CCNT2: variants seen among roughly 807,000 people sequenced by gnomAD.
The protein encoded by CCNT2 is cyclin T2, also known as cyclin-T2.
A neutral mutation model predicts 70.0 loss-of-function variants in CCNT2; 18 were observed. The ratio of observed to expected loss-of-function variants is 0.26; its 90% confidence interval spans 0.18 to 0.38. The LOEUF (loss-of-function observed/expected upper bound fraction) is 0.38, where lower values mean the gene tolerates loss of function less well. Among genes scored for constraint, CCNT2 ranks in the 10% least tolerant of loss-of-function variants. The pLI, the probability that CCNT2 is intolerant of heterozygous loss-of-function variation, is 1.00. For synonymous variants in CCNT2, 334 were observed against 313.3 expected, an observed-to-expected ratio of 1.07 and a Z score of -0.70; for missense variants, 734 against 890.2, an observed-to-expected ratio of 0.82 and a Z score of 2.23.
intron 7 of CCNT2, among the ~76,000 whole-genome samples, chr2:134,948,600 A>G (rs987169489): frequency 1.3e-5 from 2 of 152,028 alleles, no homozygotes; most frequent in South Asian, 2.1e-4. Flanking sequence ...AATTTTGGGG[A>G]TGTTTTGATG....
chr2:134,934,549 A>G (rs1039117675), intron 2 of CCNT2, among the ~76,000 whole-genome samples: 3 of 152,230 alleles, frequency 2.0e-5, no homozygotes, highest in African/African-American at 7.2e-5. Flanking sequence ...CACCTTCCTT[A>G]ATCATCCTTG....
Position 134,954,435 on chromosome 2 carries a change from T to A in CCNT2, c.1980T>A (p.Ser660=), listed in dbSNP as rs2105094055. The A allele has an allele frequency of 6.2e-7, 1 of 1,614,142 alleles. No homozygotes were observed. Among genetic ancestry groups the A allele is most frequent in the East Asian group, 2.2e-5 (1 of 44,886 alleles). ...SVKQYISSHN[S]VFNHPLPPPP... ...AGCAGTATATATCCTCTCACAACTC[T>A]GTTTTTAACCATCCCTTACCCCCTC... is the stretch of plus-strand genomic sequence containing the variant. The change falls in exon 9 of 9, where the codon TCT becomes TCA. Residue 660 remains serine (S), a synonymous_variant. Transcript: ENST00000264157.
At chr2:134,929,739 T>C (rs1244286829) in intron 2 of CCNT2, among the ~76,000 whole-genome samples, 2 of 148,122 alleles carry the variant, frequency 1.4e-5, no homozygotes, top group Non-Finnish European at 3.0e-5. Flanking sequence ...AGCCTCCACC[T>C]CCTGGGTTCA....
At chr2:134,943,967 T>C in intron 5 of CCNT2, 1 of 959,350 alleles carries the variant, frequency 1.0e-6, no homozygotes. Context: ...TCATTCTAAA[T>C]TGAATTCATT....
At chr2:134,947,412 T>C (rs576215691) in intron 6 of CCNT2, among the ~76,000 whole-genome samples, 1 of 152,144 alleles carries the variant, frequency 6.6e-6, no homozygotes, top group Non-Finnish European at 1.5e-5. Flanking sequence ...AAATTTACAG[T>C]GTTATCTATA....
At position 134,944,576 on chromosome 2, in the gene CCNT2, A is replaced by G. The variant is rs994921735; in HGVS notation, c.494-1525A>G. 15 of 972,390 alleles carry G rather than the reference A, an allele frequency of 1.5e-5. No homozygotes were observed. In the African/African-American group the frequency reaches 1.8e-4, roughly 11 times the overall value. 60.2% of individuals were successfully genotyped at this position (972,390 alleles called of 1,614,324 possible). A position where few individuals can be genotyped will look rare whatever the true frequency, so the allele number is the denominator to read the frequency against. ...CATTTACAAAAACTACAAATTTGATATGTCATCCAAAACAAATATTTAGAC... is the reference window on the plus strand; with the variant it reads ...CATTTACAAAAACTACAAATTTGATGTGTCATCCAAAACAAATATTTAGAC... On this transcript the variant is annotated intron_variant, in intron 5 of 8. Transcript: ENST00000264157.
In CCNT2 at chr2:134,919,357, GT is replaced by G. The variant is rs539121021; in HGVS notation, c.158+348del. On this transcript the variant is annotated intron_variant, in intron 1 of 8. Coordinates refer to ENST00000264157, the MANE Select transcript of CCNT2 (RefSeq NM_058241.3). ...CTGGACTTGTCCCTGACCCCGAAGG[GT>G]TTGAGAGGTAGGAGGGTTAGCGATG... Among the ~76,000 whole-genome samples the G allele has an allele frequency of 5.9e-4, 90 of 152,330 alleles. 1 individual carries two copies. The highest frequency in any genetic ancestry group is 2.0e-3 in the African/African-American group (84 of 41,572).
At position 134,953,619 on chromosome 2, in the gene CCNT2, A is replaced by C. The variant is rs757351595; in HGVS notation, c.1164A>C (p.Ser388=). Residue 388 remains serine (S), a synonymous_variant, in exon 9 of 9, where the codon TCA becomes TCC. Coordinates refer to ENST00000264157, the MANE Select transcript of CCNT2 (RefSeq NM_058241.3). ...ACTTCCAGCAGGGACCTTCTATATC[A>C]CTGCATTCAGGATTACATCACAGAC... ...NINFQQGPSI[S]LHSGLHHRPD... is the part of the protein sequence containing the mutation. 1 of 1,613,846 alleles carries C rather than the reference A, an allele frequency of 6.2e-7. No homozygotes were observed. Among genetic ancestry groups the C allele is most frequent in the Non-Finnish European group, 8.5e-7 (1 of 1,179,800 alleles).
At chr2:134,940,404 CTA>C (rs1681490467) in intron 4 of CCNT2, among the ~76,000 whole-genome samples, 1 of 151,894 alleles carries the variant, frequency 6.6e-6, no homozygotes, top group South Asian at 2.1e-4. Flanking sequence ...AGATATTAGT[CTA>C]TTTTATCATT....
chr2:134,952,323 G>T (rs1473821584), intron 7 of CCNT2, among the ~76,000 whole-genome samples: 1 of 151,964 alleles, frequency 6.6e-6, no homozygotes, highest in East Asian at 1.9e-4. Flanking sequence ...GATCTTGTCT[G>T]TGACAAAAAT....
intron 5 of CCNT2, chr2:134,942,999 A>G: frequency 1.0e-6 from 1 of 985,384 alleles, no homozygotes; most frequent in Non-Finnish European, 1.2e-6. Context: ...GCATAGGTTC[A>G]GAAAATAATA....
At chr2:134,919,692 G>T in intron 1 of CCNT2, 118 bp from the exon 2 acceptor site, 1 of 720,448 alleles carries the variant, frequency 1.4e-6, no homozygotes, top group Non-Finnish European at 2.3e-6. Flanking sequence ...TTTATTTCCA[G>T]TTTGGGGTTT....
intron 7 of CCNT2, 127 bp downstream of exon 7, chr2:134,948,026 A>G (rs1172739999): frequency 2.1e-6 from 1 of 473,986 alleles, no homozygotes; most frequent in Non-Finnish European, 3.6e-6. Context: ...CAGCCTAAAG[A>G]AAAAAAAATA....
chr2:134,919,029 G>T lies in CCNT2; in HGVS notation c.158+17G>T. 6.3e-7 allele frequency: 1 copy of T among 1,584,564 alleles called. No individual in the cohort carries two copies. Among genetic ancestry groups the T allele is most frequent in the Non-Finnish European group, 8.6e-7 (1 of 1,163,600 alleles). On this transcript the variant is annotated intron_variant, in intron 1 of 8. Coordinates refer to ENST00000264157, the MANE Select transcript of CCNT2 (RefSeq NM_058241.3). Reference sequence around the variant, plus strand: ...TCTCAATGTGTATCCTTTTCTGTTCGCCGCCGCTCACGCCCTGTTTCCCTT... The same window carrying T: ...TCTCAATGTGTATCCTTTTCTGTTCTCCGCCGCTCACGCCCTGTTTCCCTT...
In CCNT2 at chr2:134,955,715, TTGTG is replaced by T. The variant is rs1243868673; in HGVS notation, c.*1072_*1075del. 6.6e-6 allele frequency: 1 copy of T among 152,640 alleles called. No individual in the cohort carries two copies. The highest frequency in any genetic ancestry group is 1.5e-5 in the Non-Finnish European group (1 of 68,024). 9.5% of individuals were successfully genotyped at this position (152,640 alleles called of 1,614,324 possible). Reference sequence around the variant, plus strand: ...AATATACTCCTTCCCTGAAGCGTGTTTGTGTGTGATGCCATATTTCTTTTTCAGG... The same window carrying T: ...AATATACTCCTTCCCTGAAGCGTGTTTGTGATGCCATATTTCTTTTTCAGG... On this transcript the variant is annotated 3_prime_UTR_variant, in exon 9 of 9. Coordinates refer to ENST00000264157, the MANE Select transcript of CCNT2 (RefSeq NM_058241.3).
At chr2:134,930,283 G>A (rs1475841953) in intron 2 of CCNT2, among the ~76,000 whole-genome samples, 2 of 152,144 alleles carry the variant, frequency 1.3e-5, no homozygotes, top group East Asian at 1.9e-4. Context: ...TTCAAGGTCC[G>A]TTCATGGTGT....
In CCNT2 at chr2:134,954,290, C is replaced by T; in HGVS notation, c.1835C>T (p.Ser612Phe). Residue 612 changes from serine (S) to phenylalanine (F), a missense_variant, in exon 9 of 9, where the codon TCT (serine) becomes TTT (phenylalanine). Physicochemically the swap from Ser to Phe is radical, Grantham distance 155. Transcript: ENST00000264157. Reference sequence around the variant, plus strand: ...GGCCTGAGCAGTGATGGCATTTCCTCTAGCTCCAGCTCTTCAAGGAAGAGG... The same window carrying T: ...GGCCTGAGCAGTGATGGCATTTCCTTTAGCTCCAGCTCTTCAAGGAAGAGG... ...PVGLSSDGIS[S>F]SSSSSRKRLH... 1 of 1,614,134 alleles carries T rather than the reference C, an allele frequency of 6.2e-7. No individual in the cohort carries two copies. Among genetic ancestry groups the T allele is most frequent in the Non-Finnish European group, 8.5e-7 (1 of 1,179,968 alleles).
Position 134,946,013 on chromosome 2 carries a change from C to T in CCNT2, c.494-88C>T, listed in dbSNP as rs2105071016. ...TAAAATTTACTTTTTGTGTACAAAT[C>T]TTTGAAGTTTTTGTTGTGTTGAGAA... On this transcript the variant is annotated intron_variant, in intron 5 of 8. Transcript: ENST00000264157. 18 of 1,606,508 alleles carry T rather than the reference C, an allele frequency of 1.1e-5. No individual in the cohort carries two copies. The South Asian group carries it at 2.0e-4, about 18-fold the overall frequency.
intron 5 of CCNT2, chr2:134,943,276 A>T (rs1223848607): frequency 2.8e-6 from 1 of 353,268 alleles, no homozygotes; most frequent in Admixed American, 6.4e-5. Flanking sequence ...TGGTACACGC[A>T]TGTAGTCTCA....
Sources: gnomAD v4.1 joint callset for allele counts (sites outside exome capture counted in the v4.1 genomes callset) on GRCh38, gnomAD v4.1.1 for gene constraint, MANE v1.5 for transcripts, NCBI Gene and HGNC (gene_info 2026-07-23, HGNC 2026-07-21) for gene names.